Variants in INPP5D observed in about 807,000 individuals in gnomAD.
The protein encoded by INPP5D is inositol polyphosphate-5-phosphatase D, also known as phosphatidylinositol 3,4,5-trisphosphate 5-phosphatase 1.
INPP5D carries 33 observed loss-of-function variants against 122.9 expected under a neutral mutation model. That is an observed-to-expected ratio of 0.27 (90% confidence interval 0.20 to 0.36). The LOEUF (loss-of-function observed/expected upper bound fraction) is 0.36, where lower values mean the gene tolerates loss of function less well. INPP5D is among the 10% of genes least tolerant of loss of function. The pLI, the probability that INPP5D is intolerant of heterozygous loss-of-function variation, is 1.00. For missense variants in INPP5D, 1,053 were observed against 1,412.7 expected, an observed-to-expected ratio of 0.75 and a Z score of 4.08; for synonymous variants, 584 against 576.2, an observed-to-expected ratio of 1.01 and a Z score of -0.19.
rs559752086 is a variant in INPP5D at position 233,099,945 on chromosome 2, A to G, written c.198+20547A>G. On this transcript the variant is annotated intron_variant, in intron 2 of 26. Transcript: ENST00000445964. The stretch of plus-strand genomic sequence containing the variant: ...AAGGGCACATCTCATGTGGCAGACA[A>G]GAGAAGAATGAGCTTGTGCAGTCAA... Among the ~76,000 whole-genome samples the G allele has an allele frequency of 2.0e-5, 3 of 152,350 alleles. No homozygotes were observed. In the South Asian group the frequency reaches 6.2e-4, roughly 32 times the overall value.
At position 233,170,627 on chromosome 2, in the gene INPP5D, G is replaced by A; in HGVS notation, c.1900+23G>A. ...TCGGTAAGAGCAGCAACCCCGGCTG[G>A]GAGCGGTGGCTCACACCTGTAATCC... On this transcript the variant is annotated intron_variant, in intron 16 of 26. Transcript: ENST00000445964. The surrounding 1 kb of genome is among the most constrained non-coding windows in gnomAD (Gnocchi z 4.5). The A allele has an allele frequency of 3.7e-6, 6 of 1,610,642 alleles. No individual in the cohort carries two copies. The highest frequency in any genetic ancestry group is 5.1e-6 in the Non-Finnish European group (6 of 1,178,448).
At chr2:233,185,991 G>C (rs1694903916) in intron 21 of INPP5D, 66 bp downstream of exon 21, 2 of 1,486,086 alleles carry the variant, frequency 1.3e-6, no homozygotes, top group South Asian at 1.4e-5. Flanking sequence ...GTACCAGCCA[G>C]TGGCAGAGCT....
At chr2:233,080,610 T>G (rs4603757) in intron 2 of INPP5D, among the ~76,000 whole-genome samples, 136,947 of 152,134 alleles carry the variant, frequency 0.9, 61,678 homozygotes, top group East Asian at 0.99. Context: ...GAGGAGTTTG[T>G]TTGAAAAGAA....
intron 2 of INPP5D, among the ~76,000 whole-genome samples, chr2:233,103,445 A>G (rs1288049109): frequency 6.6e-6 from 1 of 152,186 alleles, no homozygotes; most frequent in East Asian, 1.9e-4. Flanking sequence ...GCTTTGCACC[A>G]GTAACTAGGC....
At chr2:233,180,008 A>T (rs952914653) in intron 18 of INPP5D, among the ~76,000 whole-genome samples, 3 of 152,096 alleles carry the variant, frequency 2.0e-5, no homozygotes, top group Admixed American at 1.3e-4. Flanking sequence ...AGCCCATCAG[A>T]TCTGGGGTCG....
chr2:233,169,035 A>C, intron 13 of INPP5D: 2 of 406,002 alleles, frequency 4.9e-6, no homozygotes, highest in East Asian at 4.8e-5. Context: ...CACCCTGGTC[A>C]CTTTAGAGAG....
chr2:233,148,238 G>C (rs1435076020), intron 9 of INPP5D, among the ~76,000 whole-genome samples: 1 of 152,088 alleles, frequency 6.6e-6, no homozygotes, highest in Non-Finnish European at 1.5e-5. Context: ...ATATTCTGGT[G>C]CATTGAGTAG....
chr2:233,203,891 G>A (rs1381683789), intron 25 of INPP5D, among the ~76,000 whole-genome samples: 1 of 152,164 alleles, frequency 6.6e-6, no homozygotes, highest in Non-Finnish European at 1.5e-5. Flanking sequence ...AGGCAGCAGT[G>A]AGCCATGACC....
rs913289050 is a variant in INPP5D at position 233,169,517 on chromosome 2, C to A, written c.1652+116C>A. The A allele has an allele frequency of 2.7e-6, 4 of 1,470,114 alleles. No homozygotes were observed. The South Asian group carries it at 4.0e-5, about 15-fold the overall frequency. The allele number at this position is 1,470,114 out of a possible 1,614,324, so 91.1% of individuals were successfully genotyped here. On this transcript the variant is annotated intron_variant, in intron 14 of 26. Coordinates refer to ENST00000445964, the MANE Select transcript of INPP5D (RefSeq NM_001017915.3). ...CTCCTGCCTTTGACCTTGTGGATGT[C>A]CTGTGGCCTTTCAGGGCCCACCACA... is the stretch of plus-strand genomic sequence containing the variant.
chr2:233,064,688 A>G (rs1177247865), intron 1 of INPP5D, among the ~76,000 whole-genome samples: 1 of 152,200 alleles, frequency 6.6e-6, no homozygotes, highest in Non-Finnish European at 1.5e-5. Flanking sequence ...ATCTTCCTGG[A>G]AGCGAGAAAC....
chr2:233,075,717 A>G (rs1231468290), intron 1 of INPP5D, among the ~76,000 whole-genome samples: 1 of 152,036 alleles, frequency 6.6e-6, no homozygotes, highest in Non-Finnish European at 1.5e-5. Flanking sequence ...CGTGGAATAC[A>G]GTTTGGTACT....
rs1277596588 is a variant in INPP5D, at chr2:233,163,921, C to T, written c.1437+18C>T. The stretch of plus-strand genomic sequence containing the variant: ...TTAAAACAGTGAGCAGCTGGCTGCA[C>T]GCTGGGTGGGCTTCCGGGATAGAAT... On this transcript the variant is annotated intron_variant, in intron 12 of 26. Transcript: ENST00000445964. 7 of 1,611,312 alleles carry T rather than the reference C, an allele frequency of 4.3e-6. No individual in the cohort carries two copies. Among genetic ancestry groups the T allele is most frequent in the East Asian group, 2.2e-5 (1 of 44,828 alleles).
At chr2:233,161,611 T>C (rs1025034647) in intron 10 of INPP5D, 113 bp from the exon 11 acceptor site, 5 of 1,387,208 alleles carry the variant, frequency 3.6e-6, no homozygotes, top group Non-Finnish European at 2.9e-6. Flanking sequence ...TCCTGGAAGT[T>C]CACACTGATT....
At position 233,164,435 on chromosome 2, in the gene INPP5D, C is replaced by CG; in HGVS notation, c.1555+15dup. The CG allele has an allele frequency of 1.9e-6, 3 of 1,541,076 alleles. No homozygotes were observed. Among genetic ancestry groups the CG allele is most frequent in the Non-Finnish European group, 2.6e-6 (3 of 1,139,992 alleles). ...TTGCAAACACACTGGGTGAGCAGGG[C>CG]GGGGACCCTGTGTTCCTCCCACACC... On this transcript the variant is annotated intron_variant, in intron 13 of 26. Coordinates refer to ENST00000445964, the MANE Select transcript of INPP5D (RefSeq NM_001017915.3). This position sits in a 1 kb window ranked among gnomAD's most constrained non-coding sequence, Gnocchi z 4.3.
At position 233,204,514 on chromosome 2, in the gene INPP5D, A is replaced by T; in HGVS notation, c.3364A>T (p.Ile1122Phe). ...SQAPVPAKRPIKPSRSEINQQ... is the reference protein window; with the variant it reads ...SQAPVPAKRPFKPSRSEINQQ... Reference sequence around the variant, plus strand: ...GGCCCCGGTGCCGGCCAAGAGGCCCATCAAGCCTTCCAGATCGGAAATCAA... The same window carrying T: ...GGCCCCGGTGCCGGCCAAGAGGCCCTTCAAGCCTTCCAGATCGGAAATCAA... Residue 1122 changes from isoleucine (I) to phenylalanine (F), a missense_variant, in exon 26 of 27, where the codon ATC becomes TTC. This residue lies in a region of INPP5D where 417 missense variants were observed against 425.8 expected (regional missense o/e 0.98). Transcript: ENST00000445964. 1.2e-5 allele frequency: 19 copies of T among 1,581,744 alleles called. No individual in the cohort carries two copies. The highest frequency in any genetic ancestry group is 1.6e-5 in the Non-Finnish European group (19 of 1,165,434).
intron 1 of INPP5D, among the ~76,000 whole-genome samples, chr2:233,077,289 G>A (rs953780999): frequency 2.6e-5 from 4 of 152,186 alleles, no homozygotes; most frequent in African/African-American, 7.2e-5. Context: ...TGGGAGTGGG[G>A]AAGGAGATGT....
At chr2:233,104,158 G>A (rs191430365) in intron 2 of INPP5D, among the ~76,000 whole-genome samples, 65 of 149,330 alleles carry the variant, frequency 4.4e-4, no homozygotes, top group African/African-American at 1.2e-3. Context: ...TTACAGGTGC[G>A]CACCACCACA....
chr2:233,171,189 TCTC>T (rs749388617), intron 17 of INPP5D, 37 bp downstream of exon 17: 8 of 1,607,302 alleles, frequency 5.0e-6, no homozygotes, highest in Non-Finnish European at 6.8e-6. Flanking sequence ...CTGCCCTCCA[TCTC>T]CTCCCCGCTG....
At position 233,170,967 on chromosome 2, in the gene INPP5D, TC is replaced by T; in HGVS notation, c.1901-93del. ...TGGAGCCTTTCCAGCCATCCTTTCG[TC>T]CCCTTTCCCCTGATTTCCTACCAGA... On this transcript the variant is annotated intron_variant, in intron 16 of 26. Transcript: ENST00000445964. The surrounding 1 kb of genome is among the most constrained non-coding windows in gnomAD (Gnocchi z 4.5). 6.8e-7 allele frequency: 1 copy of T among 1,467,786 alleles called. No individual in the cohort carries two copies. Among genetic ancestry groups the T allele is most frequent in the East Asian group, 2.5e-5 (1 of 39,390 alleles). 90.9% of individuals were successfully genotyped at this position (1,467,786 alleles called of 1,614,324 possible). A position where few individuals can be genotyped will look rare whatever the true frequency, so the allele number is the denominator to read the frequency against.
Sources: gnomAD v4.1 joint callset for allele counts (sites outside exome capture counted in the v4.1 genomes callset) on GRCh38, gnomAD v4.1.1 for gene constraint, gnomAD v4.1.1 regional missense constraint, Gnocchi (gnomAD v3.1) non-coding constraint, MANE v1.5 for transcripts, NCBI Gene and HGNC (gene_info 2026-07-23, HGNC 2026-07-21) for gene names.